PIK3CA: variants seen among roughly 807,000 people sequenced by gnomAD.
The protein encoded by PIK3CA is phosphatidylinositol-4,5-bisphosphate 3-kinase catalytic subunit alpha.
A neutral mutation model predicts 138.2 loss-of-function variants in PIK3CA; 27 were observed. The ratio of observed to expected loss-of-function variants is 0.20; its 90% CI spans 0.14 to 0.27. The LOEUF is 0.27. Among genes scored for constraint, PIK3CA ranks in the 10% least tolerant of loss-of-function variants. The probability of loss-of-function intolerance (pLI) is 1.00; values close to 1 mark genes in which losing one functional copy is unlikely to be tolerated. For synonymous variants in PIK3CA, 358 were observed against 413.2 expected (o/e 0.87, Z 1.62); for missense variants, 544 against 1,277.4 (o/e 0.43, Z 8.75).
At chr3:179,213,448 CTT>C (rs1724766746) in intron 9 of PIK3CA, among the ~76,000 whole-genome samples, 1 of 152,200 alleles carries the variant, frequency 6.6e-6, no homozygotes, top group Non-Finnish European at 1.5e-5. Context: ...AAGTTGTAAT[CTT>C]TTTGCTGGTG....
chr3:179,171,309 A>G (rs531877540), intron 1 of PIK3CA, among the ~76,000 whole-genome samples: 3 of 152,072 alleles, frequency 2.0e-5, no homozygotes, highest in Non-Finnish European at 2.9e-5. Flanking sequence ...GCTAAGAAAG[A>G]AATGTTTGGC....
intron 1 of PIK3CA, among the ~76,000 whole-genome samples, chr3:179,155,584 A>C (rs1238799225): frequency 6.6e-6 from 1 of 152,152 alleles, no homozygotes; most frequent in African/African-American, 2.4e-5. Context: ...TATTTACATA[A>C]CATTTACATT....
intron 1 of PIK3CA, among the ~76,000 whole-genome samples, chr3:179,195,143 C>T (rs1576930237): frequency 6.6e-6 from 1 of 151,666 alleles, no homozygotes; most frequent in Admixed American, 6.6e-5. Flanking sequence ...GGGAAAGCAC[C>T]GGCATCTGAG....
At chr3:179,223,320 C>T (rs887536411) in intron 14 of PIK3CA, among the ~76,000 whole-genome samples, 2 of 152,116 alleles carry the variant, frequency 1.3e-5, no homozygotes, top group Admixed American at 6.5e-5. Context: ...TTTATATTTT[C>T]AATAGGTGAA....
chr3:179,204,893 C>T (rs1024038169), intron 6 of PIK3CA, among the ~76,000 whole-genome samples: 15 of 151,328 alleles, frequency 9.9e-5, no homozygotes, highest in African/African-American at 4.9e-5. Context: ...TGGTGGCGGG[C>T]ACCTGTAATC....
chr3:179,239,120 C>A lies in PIK3CA; in HGVS notation c.*4756C>A. The A allele has an allele frequency of 4.7e-6, 1 of 214,034 alleles. No individual in the cohort carries two copies. Among genetic ancestry groups the A allele is most frequent in the African/African-American group, 2.3e-5 (1 of 44,298 alleles). 13.3% of individuals were successfully genotyped at this position (214,034 alleles called of 1,614,324 possible). On this transcript the variant is annotated 3_prime_UTR_variant, in exon 21 of 21. Transcript: ENST00000263967. Reference sequence around the variant, plus strand: ...GGAGGAAAAAAATTAGTCCCTTGTGCGTATACAGTAGTTAGGTAAATGATT... The same window carrying A: ...GGAGGAAAAAAATTAGTCCCTTGTGAGTATACAGTAGTTAGGTAAATGATT...
Position 179,210,394 on chromosome 3 carries a change from C to A in PIK3CA, c.1405-37C>A, listed in dbSNP as rs1011956707. ...TTTTTATGGCAGTCAAACCTTCTCT[C>A]TTATGTATATATAATAGCTTTTCTT... On this transcript the variant is annotated intron_variant, in intron 8 of 20. Transcript: ENST00000263967. 2.5e-6 allele frequency: 4 copies of A among 1,597,040 alleles called. No individual in the cohort carries two copies. In the Middle Eastern group the frequency reaches 6.7e-4, roughly 268 times the overall value.
chr3:179,150,067 A>G (rs1018029665), intron 1 of PIK3CA, among the ~76,000 whole-genome samples: 5 of 151,240 alleles, frequency 3.3e-5, no homozygotes, highest in African/African-American at 1.2e-4. Context: ...GACAGCATAG[A>G]TCTCCATCTA....
intron 1 of PIK3CA, among the ~76,000 whole-genome samples, chr3:179,175,689 T>C (rs1180678529): frequency 6.7e-6 from 1 of 149,026 alleles, no homozygotes; most frequent in Non-Finnish European, 1.5e-5. Flanking sequence ...TTGCCTTAAC[T>C]TTAACTTCAA....
At chr3:179,202,075 T>G (rs2108391032) in intron 4 of PIK3CA, among the ~76,000 whole-genome samples, 1 of 152,300 alleles carries the variant, frequency 6.6e-6, no homozygotes. Flanking sequence ...GTTGTTTGTT[T>G]GTTTTTCGAG....
chr3:179,184,330 A>C (rs1415805172), intron 1 of PIK3CA, among the ~76,000 whole-genome samples: 1 of 152,192 alleles, frequency 6.6e-6, no homozygotes, highest in East Asian at 1.9e-4. Flanking sequence ...ATGACATACT[A>C]ATATCTGCTT....
chr3:179,206,086 CTTTTT>C (rs751353057), intron 6 of PIK3CA, among the ~76,000 whole-genome samples: 5 of 105,168 alleles, frequency 4.8e-5, no homozygotes, highest in Non-Finnish European at 9.4e-5. Flanking sequence ...ACTTCAGGAT[CTTTTT>C]TTTTTTTTTT....
chr3:179,169,439 T>G (rs1233135773), intron 1 of PIK3CA, among the ~76,000 whole-genome samples: 1 of 152,226 alleles, frequency 6.6e-6, no homozygotes, highest in Non-Finnish European at 1.5e-5. Flanking sequence ...TGGAATGTTT[T>G]TCCATGTCTT....
rs1425257858 is a variant in PIK3CA, at chr3:179,219,380, A to C, written c.1746+103A>C. On this transcript the variant is annotated intron_variant, in intron 11 of 20. Transcript: ENST00000263967. The surrounding 1 kb of genome is among the most constrained non-coding windows in gnomAD (Gnocchi z 4.2). ...CCACATAAATAAATGAAATAGACTAATAGTAATATAGTGTAGAAAAAAACA... is the reference window on the plus strand; with the variant it reads ...CCACATAAATAAATGAAATAGACTACTAGTAATATAGTGTAGAAAAAAACA... 15 of 755,744 alleles carry C rather than the reference A, an allele frequency of 2.0e-5. No individual in the cohort carries two copies. The highest frequency in any genetic ancestry group is 3.3e-5 in the Non-Finnish European group (15 of 455,002). 46.8% of individuals were successfully genotyped at this position (755,744 alleles called of 1,614,324 possible).
chr3:179,191,125 A>C (rs111563738), intron 1 of PIK3CA, among the ~76,000 whole-genome samples: 4 of 152,194 alleles, frequency 2.6e-5, no homozygotes, highest in Non-Finnish European at 5.9e-5. Context: ...ACTTCAGAGA[A>C]AGCCCTTTCT....
At chr3:179,166,009 A>G (rs1315065166) in intron 1 of PIK3CA, among the ~76,000 whole-genome samples, 1 of 152,134 alleles carries the variant, frequency 6.6e-6, no homozygotes, top group Non-Finnish European at 1.5e-5. Context: ...ACTTCTTTTC[A>G]TACCTTCCTC....
At chr3:179,218,666 G>T (rs1285699602) in intron 10 of PIK3CA, among the ~76,000 whole-genome samples, 1 of 151,826 alleles carries the variant, frequency 6.6e-6, no homozygotes. Context: ...TAATTTTTAG[G>T]GGTTCCCTTT....
In PIK3CA at chr3:179,209,642, G is replaced by C. The variant is rs748197872; in HGVS notation, c.1193G>C (p.Arg398Pro). ...GATATATACATTCCTGATCTTCCTCGTGCTGCTCGACTTTGCCTTTCCATT... is the reference window on the plus strand; with the variant it reads ...GATATATACATTCCTGATCTTCCTCCTGCTGCTCGACTTTGCCTTTCCATT... The part of the protein sequence containing the change: ...NYDIYIPDLP[R>P]AARLCLSICS... Residue 398 changes from arginine (R) to proline (P), a missense_variant, in exon 7 of 21, where the codon CGT becomes CCT. This residue lies in a region of PIK3CA where 234 missense variants were observed against 401.3 expected (regional missense o/e 0.58). Coordinates refer to ENST00000263967, the MANE Select transcript of PIK3CA (RefSeq NM_006218.4). 1 of 1,612,262 alleles carries C rather than the reference G, an allele frequency of 6.2e-7. No individual in the cohort carries two copies. The highest frequency in any genetic ancestry group is 8.5e-7 in the Non-Finnish European group (1 of 1,178,880).
intron 1 of PIK3CA, among the ~76,000 whole-genome samples, chr3:179,184,595 C>T (rs1179636657): frequency 6.6e-6 from 1 of 152,210 alleles, no homozygotes; most frequent in Non-Finnish European, 1.5e-5. Flanking sequence ...AAAAGACCTT[C>T]TGTGAAACAT....
Sources: gnomAD v4.1 joint callset for allele counts (sites outside exome capture counted in the v4.1 genomes callset) on GRCh38, gnomAD v4.1.1 for gene constraint, gnomAD v4.1.1 regional missense constraint, Gnocchi (gnomAD v3.1) non-coding constraint, MANE v1.5 for transcripts, NCBI Gene and HGNC (gene_info 2026-07-23, HGNC 2026-07-21) for gene names.